FAM135B: variants seen among roughly 807,000 people sequenced by gnomAD.
FAM135B encodes the protein protein FAM135B.
Under a neutral mutation model 127.7 loss-of-function variants are expected in FAM135B, and 43 were observed. The observed-to-expected ratio is 0.34, with a 90% CI of 0.26 to 0.43. FAM135B has a LOEUF of 0.43. FAM135B is among the 20% of genes least tolerant of loss of function. FAM135B has a pLI of 1.00. For missense variants in FAM135B, 1,558 were observed against 1,725.6 expected (o/e 0.90, Z 1.72); for synonymous variants, 670 against 665.1 (o/e 1.01, Z -0.11).
intron 2 of FAM135B, among the ~76,000 whole-genome samples, chr8:138,347,540 C>T (rs967391205): frequency 1.3e-5 from 2 of 152,128 alleles, no homozygotes; most frequent in Admixed American, 6.5e-5. Context: ...AGGAATGGTG[C>T]CCAGTCAGGA....
At chr8:138,399,410 C>T (rs1833023680) in intron 1 of FAM135B, among the ~76,000 whole-genome samples, 1 of 152,164 alleles carries the variant, frequency 6.6e-6, no homozygotes, top group African/African-American at 2.4e-5. Flanking sequence ...AATCTCCCCC[C>T]AACCATTTCC....
chr8:138,313,482 C>A (rs1826845822), intron 2 of FAM135B, among the ~76,000 whole-genome samples: 1 of 151,680 alleles, frequency 6.6e-6, no homozygotes, highest in African/African-American at 2.4e-5. Flanking sequence ...AGACTTGGTA[C>A]AGAGAACATG....
intron 16 of FAM135B, 44 bp downstream of exon 16, chr8:138,142,968 C>G: frequency 1.0e-6 from 1 of 998,986 alleles, no homozygotes; most frequent in Non-Finnish European, 1.6e-6. Context: ...TCAAAAATGT[C>G]CCCCCTCTTC....
chr8:138,460,524 G>A (rs531507553), intron 1 of FAM135B, among the ~76,000 whole-genome samples: 1 of 152,270 alleles, frequency 6.6e-6, no homozygotes, highest in South Asian at 2.1e-4. Flanking sequence ...TCTAACCCAA[G>A]AGCTGTTTAT....
chr8:138,150,640 C>A (rs1224213218), intron 13 of FAM135B, among the ~76,000 whole-genome samples: 2 of 151,520 alleles, frequency 1.3e-5, no homozygotes, highest in Admixed American at 1.3e-4. Context: ...TGCACTCCAG[C>A]CTGGCGACAG....
intron 11 of FAM135B, among the ~76,000 whole-genome samples, chr8:138,175,474 C>T (rs1814365944): frequency 6.6e-6 from 1 of 152,222 alleles, no homozygotes; most frequent in Admixed American, 6.5e-5. Context: ...TTTCTTATCG[C>T]TTTGGCTAAA....
chr8:138,440,908 C>T (rs1490420038), intron 1 of FAM135B: 1 of 152,114 alleles, frequency 6.6e-6, no homozygotes, highest in Non-Finnish European at 1.5e-5. Context: ...GTTCCTGAGC[C>T]TTCTACTTTG....
chr8:138,268,974 A>G (rs1385680850), intron 3 of FAM135B, among the ~76,000 whole-genome samples: 2 of 152,188 alleles, frequency 1.3e-5, no homozygotes, highest in Non-Finnish European at 2.9e-5. Context: ...TGGGTGGAAG[A>G]AGGAAAGGGA....
At chr8:138,253,519 C>T (rs1206964207) in intron 5 of FAM135B, among the ~76,000 whole-genome samples, 3 of 152,186 alleles carry the variant, frequency 2.0e-5, no homozygotes, top group Non-Finnish European at 4.4e-5. Flanking sequence ...GTCTGCTTCA[C>T]ACCATCCCTG....
chr8:138,367,287 C>A, intron 2 of FAM135B: 1 of 434,144 alleles, frequency 2.3e-6, no homozygotes, highest in South Asian at 1.7e-5. Context: ...TAGTTCACAT[C>A]TGTGTTTGGT....
intron 2 of FAM135B, among the ~76,000 whole-genome samples, chr8:138,326,061 T>TA (rs548815045): frequency 6.8e-4 from 103 of 152,090 alleles, no homozygotes; most frequent in Admixed American, 1.3e-3. Flanking sequence ...TGACTGTATA[T>TA]AAAAAAAATA....
intron 7 of FAM135B, among the ~76,000 whole-genome samples, chr8:138,198,135 G>A (rs1816814094): frequency 1.3e-5 from 2 of 152,030 alleles, no homozygotes; most frequent in South Asian, 4.2e-4. Context: ...ACGGGGGCGG[G>A]GTTTTTCCAT....
At chr8:138,370,641 G>A (rs777428091) in intron 1 of FAM135B, among the ~76,000 whole-genome samples, 17 of 151,972 alleles carry the variant, frequency 1.1e-4, no homozygotes, top group Admixed American at 3.9e-4. Context: ...TAGTAGAGAC[G>A]GGGCTTCACT....
At chr8:138,410,546 C>T (rs1292150206) in intron 1 of FAM135B, among the ~76,000 whole-genome samples, 2 of 152,174 alleles carry the variant, frequency 1.3e-5, no homozygotes, top group Non-Finnish European at 2.9e-5. Context: ...CTCAACATCG[C>T]TAATCATCAG....
intron 3 of FAM135B, among the ~76,000 whole-genome samples, chr8:138,270,828 G>A (rs988277327): frequency 6.6e-6 from 1 of 152,194 alleles, no homozygotes; most frequent in Non-Finnish European, 1.5e-5. Flanking sequence ...CATTTTGGAG[G>A]GGACAAACGT....
intron 1 of FAM135B, among the ~76,000 whole-genome samples, chr8:138,390,665 G>T (rs1488089784): frequency 6.6e-6 from 1 of 152,188 alleles, no homozygotes; most frequent in East Asian, 1.9e-4. Flanking sequence ...ACACAGCTGT[G>T]TTCACTAATG....
At chr8:138,481,976 C>A (rs1814797705) in intron 1 of FAM135B, among the ~76,000 whole-genome samples, 1 of 152,186 alleles carries the variant, frequency 6.6e-6, no homozygotes, top group Non-Finnish European at 1.5e-5. Context: ...GAGGAGTTCA[C>A]CATCTGGAGA....
At chr8:138,150,390 C>T (rs73414776) in intron 13 of FAM135B, among the ~76,000 whole-genome samples, 11,854 of 152,194 alleles carry the variant, frequency 0.078, 600 homozygotes, top group East Asian at 0.24. Flanking sequence ...ACAAAATTGG[C>T]GGGGTACTGT....
Position 138,243,298 on chromosome 8 carries a change from G to C in FAM135B, c.543-230C>G, listed in dbSNP as rs2130393351. Reference sequence around the variant, plus strand: ...AATGATGATACACATCCTACAATGTGTGCATGTAAATGCCCACCCTAAATG... The same window carrying C: ...AATGATGATACACATCCTACAATGTCTGCATGTAAATGCCCACCCTAAATG... On this transcript the variant is annotated intron_variant, in intron 6 of 19. Coordinates refer to ENST00000395297, the MANE Select transcript of FAM135B (RefSeq NM_015912.4). The surrounding 1 kb of genome is among the most constrained non-coding windows in gnomAD (Gnocchi z 7.5). Among the ~76,000 whole-genome samples the C allele has an allele frequency of 6.6e-6, 1 of 152,316 alleles. No homozygotes were observed. Among genetic ancestry groups the C allele is most frequent in the Middle Eastern group, 3.4e-3 (1 of 294 alleles).
Sources: allele counts gnomAD v4.1 joint callset (sites outside exome capture counted in the v4.1 genomes callset), GRCh38; gene constraint gnomAD v4.1.1; non-coding constraint Gnocchi (gnomAD v3.1); transcripts MANE v1.5; gene names NCBI Gene and HGNC (gene_info 2026-07-23, HGNC 2026-07-21).